COQ10B: variants seen among roughly 807,000 people sequenced by gnomAD.
COQ10B encodes the protein coenzyme Q10B.
In COQ10B, 12 loss-of-function variants were observed where a neutral mutation model predicts 27.6. The observed-to-expected ratio is 0.43, with a 90% CI of 0.28 to 0.70. COQ10B has a LOEUF of 0.70. COQ10B is among the 30% of genes least tolerant of loss of function. The pLI is 0.17. For synonymous variants in COQ10B, 115 were observed against 103.0 expected (o/e 1.12, Z -0.71); for missense variants, 278 against 288.7 (o/e 0.96, Z 0.27).
rs750932058 is a variant in COQ10B, at chr2:197,460,084, T to C, written c.254+3T>C. 1 of 1,593,838 alleles carries C rather than the reference T, an allele frequency of 6.3e-7. No homozygotes were observed. The highest frequency in any genetic ancestry group is 1.1e-5 in the South Asian group (1 of 89,184). On this transcript the variant is annotated splice_donor_region_variant and intron_variant, in intron 2 of 4. Transcript: ENST00000263960. The stretch of plus-strand genomic sequence containing the variant: ...TATTCAGAGAGAAGAATTTTAGGGT[T>C]CGTATATGATAAGAATTCTACTAAA...
intron 3 of COQ10B, among the ~76,000 whole-genome samples, chr2:197,469,201 A>G (rs1178277603): frequency 1.3e-5 from 2 of 151,470 alleles, no homozygotes; most frequent in Non-Finnish European, 2.9e-5. Flanking sequence ...AACCTGGCTA[A>G]TTTTTAAATT....
chr2:197,453,960 C>T lies in COQ10B; in HGVS notation c.104+296C>T, dbSNP rs115628528. ...CCTTTGGGCTCTTCCGGTCTCCTCC[C>T]CTATGGCTTGTTGCTACTGCTGTTG... On this transcript the variant is annotated intron_variant, in intron 1 of 4. Transcript: ENST00000263960. 70 of 1,550,646 alleles carry T rather than the reference C, an allele frequency of 4.5e-5. 1 individual carries two copies. Among genetic ancestry groups the T allele is most frequent in the Non-Finnish European group, 5.5e-5 (63 of 1,147,042 alleles).
chr2:197,462,519 T>C lies in COQ10B; in HGVS notation c.255-20T>C. ...AACTAGATGGAGTTAACACCTCTTT[T>C]TTATTTTTATTTTTTAAAGATATTC... On this transcript the variant is annotated intron_variant, in intron 2 of 4. Coordinates refer to ENST00000263960, the MANE Select transcript of COQ10B (RefSeq NM_025147.5). 1 of 1,388,880 alleles carries C rather than the reference T, an allele frequency of 7.2e-7. No individual in the cohort carries two copies. The highest frequency in any genetic ancestry group is 1.0e-6 in the Non-Finnish European group (1 of 1,003,984). 86.0% of individuals were successfully genotyped at this position (1,388,880 alleles called of 1,614,324 possible).
chr2:197,458,563 A>C (rs1168254390), intron 1 of COQ10B, among the ~76,000 whole-genome samples: 1 of 152,188 alleles, frequency 6.6e-6, no homozygotes, highest in Non-Finnish European at 1.5e-5. Flanking sequence ...GTCTTAACTT[A>C]GAATAGGAGC....
intron 1 of COQ10B, among the ~76,000 whole-genome samples, chr2:197,459,198 C>T (rs1405231111): frequency 4.6e-5 from 7 of 152,118 alleles, no homozygotes; most frequent in Non-Finnish European, 2.9e-5. Flanking sequence ...TAGAGTCTCG[C>T]CCTGTCACCC....
chr2:197,470,221 T>C, intron 4 of COQ10B, 50 bp downstream of exon 4: 1 of 1,039,866 alleles, frequency 9.6e-7, no homozygotes. Context: ...GTAAAATTGG[T>C]AAAAAGTAAT....
chr2:197,455,079 C>G (rs554785661), intron 1 of COQ10B, among the ~76,000 whole-genome samples: 1 of 152,056 alleles, frequency 6.6e-6, no homozygotes, highest in Admixed American at 6.6e-5. Flanking sequence ...GCTTTAAACA[C>G]TGGTGTTTTC....
intron 1 of COQ10B, 113 bp from the exon 2 acceptor site, chr2:197,459,819 A>C: frequency 4.7e-6 from 3 of 638,778 alleles, no homozygotes; most frequent in Non-Finnish European, 2.5e-6. Flanking sequence ...TTTCAGAAAC[A>C]TTCTGAAGTT....
intron 1 of COQ10B, among the ~76,000 whole-genome samples, chr2:197,456,967 G>A (rs751842306): frequency 6.6e-6 from 1 of 151,340 alleles, no homozygotes; most frequent in Non-Finnish European, 1.5e-5. Context: ...GAACAGTTTT[G>A]TGGAAGACAG....
Position 197,473,828 on chromosome 2 carries a change from G to T in COQ10B, c.621G>T (p.Gln207His), listed in dbSNP as rs1327633048. 1 of 1,602,400 alleles carries T rather than the reference G, an allele frequency of 6.2e-7. No individual in the cohort carries two copies. Among genetic ancestry groups the T allele is most frequent in the Non-Finnish European group, 8.5e-7 (1 of 1,172,482 alleles). The part of the protein sequence containing the change: ...ATLFFDEVVK[Q>H]MVAAFERRAC... ...TCTTTTTTGATGAAGTTGTGAAGCA[G>T]ATGGTAGCTGCCTTTGAAAGAAGAG... The change falls in exon 5 of 5, where the codon CAG becomes CAT. Residue 207 changes from glutamine (Q) to histidine (H), a missense_variant. By Grantham distance (24) the Gln-to-His change is conservative (BLOSUM62 0). This residue lies in a region of COQ10B where 83 missense variants were observed against 104.5 expected (regional missense o/e 0.79). Coordinates refer to ENST00000263960, the MANE Select transcript of COQ10B (RefSeq NM_025147.5).
At chr2:197,465,110 C>T (rs953323442) in intron 3 of COQ10B, among the ~76,000 whole-genome samples, 17 of 152,102 alleles carry the variant, frequency 1.1e-4, no homozygotes, top group Non-Finnish European at 2.5e-4. Context: ...TGGTCTCGAT[C>T]TCCTGACCTC....
intron 4 of COQ10B, among the ~76,000 whole-genome samples, chr2:197,471,172 C>T (rs1459723858): frequency 6.6e-6 from 1 of 151,982 alleles, no homozygotes; most frequent in African/African-American, 2.4e-5. Flanking sequence ...AGATGGGGCG[C>T]TACTTTGTCA....
Position 197,473,737 on chromosome 2 carries a change from T to G in COQ10B, c.550-20T>G. 1 of 1,425,776 alleles carries G rather than the reference T, an allele frequency of 7.0e-7. No homozygotes were observed. Among genetic ancestry groups the G allele is most frequent in the Non-Finnish European group, 9.4e-7 (1 of 1,068,672 alleles). 88.3% of individuals were successfully genotyped at this position (1,425,776 alleles called of 1,614,324 possible). ...CAAAAAATAATTTTTTCTAAAATAA[T>G]TTTCAATATTTTCCTACAGATTTCT... On this transcript the variant is annotated intron_variant, in intron 4 of 4. Transcript: ENST00000263960.
intron 1 of COQ10B, chr2:197,453,986 G>C (rs943789613): frequency 1.9e-6 from 3 of 1,550,884 alleles, no homozygotes; most frequent in African/African-American, 1.4e-5. Flanking sequence ...ACTGCTGTTG[G>C]AAAGTTTTAA....
At chr2:197,473,417 T>TATATATATATATATATACACACACAC (rs2085902096) in intron 4 of COQ10B, among the ~76,000 whole-genome samples, 1 of 70,690 alleles carries the variant, frequency 1.4e-5, no homozygotes. Flanking sequence ...AAAAAAAAAA[T>TATATATATATATATATACACACACAC]ATATATATAT....
chr2:197,454,301 C>CA, intron 1 of COQ10B: 1 of 569,876 alleles, frequency 1.8e-6, no homozygotes, highest in East Asian at 3.1e-5. Flanking sequence ...ACACGGATAC[C>CA]ATACTTGTAC....
intron 3 of COQ10B, among the ~76,000 whole-genome samples, chr2:197,468,115 G>A (rs1045330950): frequency 1.2e-4 from 18 of 152,204 alleles, no homozygotes; most frequent in African/African-American, 4.3e-4. Flanking sequence ...GATAATTGGA[G>A]TGAGTGAAAT....
At chr2:197,454,797 C>T (rs534521743) in intron 1 of COQ10B, among the ~76,000 whole-genome samples, 1 of 152,160 alleles carries the variant, frequency 6.6e-6, no homozygotes, top group African/African-American at 2.4e-5. Flanking sequence ...CGGCAGTTTG[C>T]GTTCATTTCC....
intron 1 of COQ10B, among the ~76,000 whole-genome samples, chr2:197,459,673 C>T (rs932369773): frequency 2.6e-5 from 4 of 151,612 alleles, no homozygotes; most frequent in Admixed American, 1.3e-4. Flanking sequence ...CATGTGACTA[C>T]AGAGTGAAAG....
Sources: gnomAD v4.1 joint callset for allele counts (sites outside exome capture counted in the v4.1 genomes callset) on GRCh38, gnomAD v4.1.1 for gene constraint, gnomAD v4.1.1 regional missense constraint, MANE v1.5 for transcripts, NCBI Gene and HGNC (gene_info 2026-07-23, HGNC 2026-07-21) for gene names.